The following ACBD6 variants were observed in gnomAD, a reference collection of about 807,000 sequenced individuals.
ACBD6 encodes the protein acyl-CoA binding domain containing 6.
Under a neutral mutation model 37.2 loss-of-function variants are expected in ACBD6, and 28 were observed. The ratio of observed to expected loss-of-function variants is 0.75; its 90% CI spans 0.56 to 1.03. The LOEUF (loss-of-function observed/expected upper bound fraction) is 1.03, where lower values mean the gene tolerates loss of function less well. Ranked by LOEUF, ACBD6 falls within the 50% of genes least tolerant of loss-of-function variation. The probability of loss-of-function intolerance (pLI) is 0.00; values close to 1 mark genes in which losing one functional copy is unlikely to be tolerated. For synonymous variants in ACBD6, 113 were observed against 126.8 expected (o/e 0.89, Z 0.73); for missense variants, 340 against 337.4 (o/e 1.01, Z -0.06).
At chr1:180,393,112 G>A (rs1035547418) in intron 6 of ACBD6, among the ~76,000 whole-genome samples, 2 of 152,154 alleles carry the variant, frequency 1.3e-5, no homozygotes, top group African/African-American at 2.4e-5. Context: ...GCGCACGCCC[G>A]TAAGCCATAT....
intron 6 of ACBD6, among the ~76,000 whole-genome samples, chr1:180,328,783 C>G (rs776675480): frequency 6.6e-6 from 1 of 151,934 alleles, no homozygotes; most frequent in Non-Finnish European, 1.5e-5. Context: ...ATCTGTGACT[C>G]TATAATAGAT....
At chr1:180,378,486 T>C (rs550439518) in intron 6 of ACBD6, among the ~76,000 whole-genome samples, 1 of 152,268 alleles carries the variant, frequency 6.6e-6, no homozygotes, top group East Asian at 1.9e-4. Context: ...ATTTTGACAG[T>C]TATATTATGG....
At chr1:180,420,543 T>C (rs1292733488) in intron 4 of ACBD6, among the ~76,000 whole-genome samples, 1 of 152,168 alleles carries the variant, frequency 6.6e-6, no homozygotes, top group Non-Finnish European at 1.5e-5. Flanking sequence ...GAATTAGAGA[T>C]GTTGTATTTG....
chr1:180,451,027 G>A (rs1163059832), intron 3 of ACBD6, among the ~76,000 whole-genome samples: 1 of 152,070 alleles, frequency 6.6e-6, no homozygotes, highest in Non-Finnish European at 1.5e-5. Flanking sequence ...AGAATAATCT[G>A]GAGACAGAAA....
At chr1:180,498,278 T>A (rs1651811667) in intron 1 of ACBD6, among the ~76,000 whole-genome samples, 1 of 152,228 alleles carries the variant, frequency 6.6e-6, no homozygotes, top group Non-Finnish European at 1.5e-5. Context: ...ATGTTATTAC[T>A]GGCAACAAAC....
intron 6 of ACBD6, among the ~76,000 whole-genome samples, chr1:180,325,414 G>T (rs1049403626): frequency 1.3e-5 from 2 of 151,970 alleles, no homozygotes; most frequent in African/African-American, 4.8e-5. Context: ...TTTCTGCTTG[G>T]TTCTTTTTAA....
At chr1:180,435,961 G>GT (rs1649019483) in intron 3 of ACBD6, 1 of 1,170,318 alleles carries the variant, frequency 8.5e-7, no homozygotes. Flanking sequence ...CTGTACAATT[G>GT]TTTAATTTTA....
chr1:180,280,359 TAA>T (rs59479521), intron 9 of ACBD6, among the ~76,000 whole-genome samples: 8 of 150,054 alleles, frequency 5.3e-5, no homozygotes, highest in African/African-American at 9.8e-5. Flanking sequence ...AGAGAAAACT[TAA>T]AAAAAAAAAT....
chr1:180,360,959 A>G (rs1012541023), intron 6 of ACBD6, among the ~76,000 whole-genome samples: 1 of 152,136 alleles, frequency 6.6e-6, no homozygotes, highest in African/African-American at 2.4e-5. Flanking sequence ...ACATCAGGAC[A>G]CTTTTCAAAG....
At chr1:180,292,676 AG>A (rs1245022934) in intron 7 of ACBD6, among the ~76,000 whole-genome samples, 2 of 152,148 alleles carry the variant, frequency 1.3e-5, no homozygotes, top group African/African-American at 2.4e-5. Context: ...CTACGAGAAA[AG>A]GAAGTTTTAT....
intron 6 of ACBD6, among the ~76,000 whole-genome samples, chr1:180,376,966 G>A (rs1407994103): frequency 6.6e-6 from 1 of 152,126 alleles, no homozygotes; most frequent in Non-Finnish European, 1.5e-5. Flanking sequence ...ACAAACATAA[G>A]TAACTTTGGA....
intron 3 of ACBD6, chr1:180,435,675 A>G: frequency 1.1e-6 from 1 of 922,244 alleles, no homozygotes; most frequent in East Asian, 2.4e-5. Flanking sequence ...AGCTCCATTT[A>G]CCAGAAGGTG....
At chr1:180,358,357 G>T (rs1396228119) in intron 6 of ACBD6, among the ~76,000 whole-genome samples, 1 of 152,086 alleles carries the variant, frequency 6.6e-6, no homozygotes, top group Non-Finnish European at 1.5e-5. Flanking sequence ...AACCCAGGAG[G>T]CGGGGGTTGC....
chr1:180,371,662 T>C (rs1294838938), intron 6 of ACBD6, among the ~76,000 whole-genome samples: 1 of 152,122 alleles, frequency 6.6e-6, no homozygotes, highest in African/African-American at 2.4e-5. Context: ...ATAAAAATGT[T>C]TGGTCATAAG....
chr1:180,403,089 G>A (rs1333639382), intron 5 of ACBD6, among the ~76,000 whole-genome samples: 1 of 152,110 alleles, frequency 6.6e-6, no homozygotes, highest in African/African-American at 2.4e-5. Flanking sequence ...CTACACAGAG[G>A]AGTACATATG....
intron 4 of ACBD6, among the ~76,000 whole-genome samples, chr1:180,418,760 T>G (rs1229550123): frequency 2.6e-5 from 4 of 152,338 alleles, no homozygotes; most frequent in African/African-American, 7.2e-5. Context: ...ACTCTCAATC[T>G]TACCAAAGAC....
chr1:180,333,012 C>T (rs1011003605), intron 6 of ACBD6, among the ~76,000 whole-genome samples: 1 of 152,134 alleles, frequency 6.6e-6, no homozygotes, highest in Admixed American at 6.6e-5. Flanking sequence ...TTTATAGTAA[C>T]TCTTTGGAGT....
intron 6 of ACBD6, among the ~76,000 whole-genome samples, chr1:180,368,826 T>G (rs901155235): frequency 2.6e-5 from 4 of 152,116 alleles, no homozygotes; most frequent in Admixed American, 6.5e-5. Context: ...AAGTTATGTG[T>G]ATGTGGTATC....
At chr1:180,396,910 A>G (rs1654280795) in intron 6 of ACBD6, among the ~76,000 whole-genome samples, 1 of 152,200 alleles carries the variant, frequency 6.6e-6, no homozygotes, top group Admixed American at 6.5e-5. Context: ...GTTAAACATC[A>G]AATTACCATA....
Sources: gnomAD v4.1 joint callset for allele counts (sites outside exome capture counted in the v4.1 genomes callset) on GRCh38, gnomAD v4.1.1 for gene constraint, MANE v1.5 for transcripts, NCBI Gene and HGNC (gene_info 2026-07-23, HGNC 2026-07-21) for gene names.